The following NAALADL2 variants were observed in gnomAD, a reference collection of about 807,000 sequenced individuals.
The protein encoded by NAALADL2 is N-acetylated alpha-linked acidic dipeptidase like 2.
NAALADL2 carries 76 observed loss-of-function variants against 87.2 expected under a neutral mutation model. That is an observed-to-expected ratio of 0.87 (90% CI 0.72 to 1.05). The LOEUF (loss-of-function observed/expected upper bound fraction) is 1.05. Among genes scored for constraint, NAALADL2 ranks in the 50% least tolerant of loss-of-function variants. The pLI is 0.00. For synonymous variants in NAALADL2, 354 were observed against 331.0 expected, an observed-to-expected ratio of 1.07 and a Z score of -0.75; for missense variants, 1,089 against 945.8, an observed-to-expected ratio of 1.15 and a Z score of -1.99.
chr3:174,943,554 C>T (rs1012318869), intron 1 of NAALADL2, among the ~76,000 whole-genome samples: 1 of 152,168 alleles, frequency 6.6e-6, no homozygotes, highest in Non-Finnish European at 1.5e-5. Flanking sequence ...ATGTTCCTTC[C>T]CCAACTTTGT....
intron 2 of NAALADL2, among the ~76,000 whole-genome samples, chr3:175,191,523 C>G (rs1465637292): frequency 2.0e-5 from 3 of 152,072 alleles, no homozygotes; most frequent in Admixed American, 2.0e-4. Context: ...AGGGATTTGT[C>G]TCCATGTGGT....
intron 2 of NAALADL2, among the ~76,000 whole-genome samples, chr3:174,627,653 C>T (rs968025196): frequency 2.6e-5 from 4 of 152,150 alleles, no homozygotes; most frequent in Non-Finnish European, 5.9e-5. Flanking sequence ...GTTTTTTGTA[C>T]ACTCTTCAAA....
At chr3:175,350,939 C>CT (rs1206261328) in intron 5 of NAALADL2, among the ~76,000 whole-genome samples, 4 of 151,854 alleles carry the variant, frequency 2.6e-5, no homozygotes, top group African/African-American at 9.7e-5. Context: ...TATCCTGGTA[C>CT]TTTTTTTCAT....
At chr3:174,747,861 T>C (rs1158765653) in intron 3 of NAALADL2, among the ~76,000 whole-genome samples, 3 of 152,076 alleles carry the variant, frequency 2.0e-5, no homozygotes, top group Admixed American at 6.6e-5. Context: ...TACATGCATG[T>C]GCATGTTCAT....
At chr3:175,212,329 AG>A (rs1263515575) in intron 2 of NAALADL2, among the ~76,000 whole-genome samples, 1 of 149,708 alleles carries the variant, frequency 6.7e-6, no homozygotes, top group Non-Finnish European at 1.5e-5. Context: ...ATCAAGTCAT[AG>A]TAAGGTAAAA....
At chr3:175,453,788 A>C (rs1401190976) in intron 6 of NAALADL2, among the ~76,000 whole-genome samples, 1 of 152,116 alleles carries the variant, frequency 6.6e-6, no homozygotes, top group Non-Finnish European at 1.5e-5. Context: ...TTCCTTAATC[A>C]GGTTGTTCAA....
intron 1 of NAALADL2, among the ~76,000 whole-genome samples, chr3:174,956,338 TG>T (rs1672650167): frequency 6.6e-6 from 1 of 152,062 alleles, no homozygotes; most frequent in Admixed American, 6.6e-5. Context: ...TTTGGCAGAA[TG>T]ATGTCTAAAA....
chr3:175,641,469 G>A (rs1729277813), intron 11 of NAALADL2, among the ~76,000 whole-genome samples: 1 of 152,082 alleles, frequency 6.6e-6, no homozygotes, highest in Non-Finnish European at 1.5e-5. Context: ...TTTATCTTCA[G>A]AGGCTGGGTC....
At chr3:174,595,249 C>T (rs555634853) in intron 2 of NAALADL2, among the ~76,000 whole-genome samples, 76 of 152,180 alleles carry the variant, frequency 5.0e-4, no homozygotes, top group Admixed American at 2.0e-3. Flanking sequence ...CTCCCTCTGC[C>T]CGCTTCTTGT....
chr3:175,052,737 C>G (rs1294832724), intron 1 of NAALADL2, among the ~76,000 whole-genome samples: 1 of 152,108 alleles, frequency 6.6e-6, no homozygotes, highest in African/African-American at 2.4e-5. Flanking sequence ...CTTTTTTATT[C>G]TTTCCCAAAT....
intron 9 of NAALADL2, among the ~76,000 whole-genome samples, chr3:175,557,669 G>T (rs1455929943): frequency 1.3e-5 from 2 of 151,904 alleles, no homozygotes; most frequent in Admixed American, 6.6e-5. Context: ...GTCTTTCTGT[G>T]CCTGGCTTAT....
intron 1 of NAALADL2, among the ~76,000 whole-genome samples, chr3:174,861,573 A>G (rs564679254): frequency 1.3e-5 from 2 of 152,222 alleles, no homozygotes; most frequent in South Asian, 2.1e-4. Flanking sequence ...TGTTAAAATA[A>G]TATGTTTTGT....
At chr3:174,546,094 A>G (rs561170180) in intron 1 of NAALADL2, among the ~76,000 whole-genome samples, 5 of 151,886 alleles carry the variant, frequency 3.3e-5, no homozygotes, top group Non-Finnish European at 5.9e-5. Flanking sequence ...GTTGATAACT[A>G]TATGCTACCT....
intron 2 of NAALADL2, among the ~76,000 whole-genome samples, chr3:175,165,878 G>C (rs886066038): frequency 6.6e-6 from 1 of 151,920 alleles, no homozygotes; most frequent in Middle Eastern, 3.4e-3. Context: ...CACTCTGATT[G>C]ATCCACCCTC....
At chr3:175,077,039 T>A (rs374290530) in intron 1 of NAALADL2, among the ~76,000 whole-genome samples, 220 of 152,246 alleles carry the variant, frequency 1.4e-3, no homozygotes, top group African/African-American at 5.0e-3. Flanking sequence ...GGATACTGAA[T>A]GAAAGGTAAA....
At chr3:175,742,476 C>CAAGTTCCGCCTCCCGG (rs1553963648) in intron 12 of NAALADL2, among the ~76,000 whole-genome samples, 1 of 151,426 alleles carries the variant, frequency 6.6e-6, no homozygotes, top group Non-Finnish European at 1.5e-5. Flanking sequence ...TGGCTCACTG[C>CAAGTTCCGCCTCCCGG]AAGCTCCGCC....
At chr3:175,426,549 A>C (rs1216660709) in intron 5 of NAALADL2, among the ~76,000 whole-genome samples, 2 of 152,156 alleles carry the variant, frequency 1.3e-5, no homozygotes, top group Admixed American at 1.3e-4. Flanking sequence ...ATGTGTCTGC[A>C]AGGGTATGCA....
At chr3:175,246,712 T>C (rs1221874918) in intron 3 of NAALADL2, among the ~76,000 whole-genome samples, 1 of 152,174 alleles carries the variant, frequency 6.6e-6, no homozygotes, top group Non-Finnish European at 1.5e-5. Flanking sequence ...TACTTTTCTG[T>C]TGCTTCTGCT....
intron 5 of NAALADL2, among the ~76,000 whole-genome samples, chr3:175,380,118 G>T (rs1047443364): frequency 3.3e-5 from 5 of 151,982 alleles, no homozygotes; most frequent in Non-Finnish European, 7.4e-5. Context: ...GTTAATGGGT[G>T]CAGCACACCA....
Sources: allele counts gnomAD v4.1 joint callset (sites outside exome capture counted in the v4.1 genomes callset), GRCh38; gene constraint gnomAD v4.1.1; transcripts MANE v1.5; gene names NCBI Gene and HGNC (gene_info 2026-07-23, HGNC 2026-07-21).